TEX11: variants seen among roughly 807,000 people sequenced by gnomAD.
TEX11 encodes testis expressed 11, also known as testis-expressed protein 11.
In TEX11, 7 loss-of-function variants were observed where a neutral mutation model predicts 84.4. The ratio of observed to expected loss-of-function variants is 0.08; its 90% CI spans 0.05 to 0.16. TEX11 has a LOEUF of 0.16. TEX11 is among the 10% of genes least tolerant of loss of function. TEX11 has a pLI of 1.00. For missense variants in TEX11, 551 were observed against 660.5 expected, an observed-to-expected ratio of 0.83 and a Z score of 1.82; for synonymous variants, 264 against 222.8, an observed-to-expected ratio of 1.18 and a Z score of -1.64.
chrX:70,621,740 T>C (rs1427620012), intron 20 of TEX11, among the ~76,000 whole-genome samples: 1 of 104,999 alleles, frequency 9.5e-6, no homozygotes, highest in Non-Finnish European at 1.9e-5. Context: ...GTTTAACATA[T>C]AAAGACTGTG....
chrX:70,511,613 T>C, the TEX11 span, among the ~76,000 whole-genome samples: 1 of 104,361 alleles, frequency 9.6e-6, no homozygotes, highest in African/African-American at 3.6e-5. Flanking sequence ...ATTAGCCAGA[T>C]GTGGTGGCAA....
intron 7 of TEX11, among the ~76,000 whole-genome samples, chrX:70,842,623 G>T (rs1236070128): frequency 3.6e-5 from 4 of 111,434 alleles, no homozygotes; most frequent in African/African-American, 1.3e-4. Context: ...TGTTGGAAGT[G>T]CTGGCCAAGG....
chrX:70,511,772 A>G, the TEX11 span, among the ~76,000 whole-genome samples: 4 of 102,833 alleles, frequency 3.9e-5, 1 homozygote, highest in South Asian at 1.3e-3. Flanking sequence ...AAAAAAAAAA[A>G]AAAAGAAAAC....
At chrX:70,609,267 A>C in intron 21 of TEX11, 90 bp from the exon 22 acceptor site, 2 of 807,700 alleles carry the variant, frequency 2.5e-6, no homozygotes, top group Non-Finnish European at 3.4e-6. Context: ...GTCTCACAGG[A>C]GTTTGAATTT....
At chrX:70,820,109 A>C (rs1251111318) in intron 8 of TEX11, among the ~76,000 whole-genome samples, 1 of 112,337 alleles carries the variant, frequency 8.9e-6, no homozygotes, top group Non-Finnish European at 1.9e-5. Context: ...AAATAGCCAA[A>C]GAAATCTTGC....
At chrX:70,639,905 C>T (rs1323612173) in intron 17 of TEX11, among the ~76,000 whole-genome samples, 1 of 112,019 alleles carries the variant, frequency 8.9e-6, no homozygotes, top group African/African-American at 3.2e-5. Context: ...AGCAACAGAA[C>T]AAAGCTGGAC....
intron 15 of TEX11, among the ~76,000 whole-genome samples, chrX:70,678,514 ACT>A (rs1470577711): frequency 9.2e-6 from 1 of 108,983 alleles, no homozygotes; most frequent in Non-Finnish European, 1.9e-5. Flanking sequence ...AGGGAATAAA[ACT>A]CTTTCTCAGC....
intron 13 of TEX11, among the ~76,000 whole-genome samples, chrX:70,715,152 T>C (rs1297954760): frequency 5.4e-5 from 6 of 110,444 alleles, no homozygotes; most frequent in African/African-American, 6.8e-5. Context: ...GAGTTTCTGC[T>C]GAGAGATCAG....
At chrX:70,823,654 CAT>C (rs2091330185) in intron 8 of TEX11, among the ~76,000 whole-genome samples, 1 of 111,260 alleles carries the variant, frequency 9.0e-6, no homozygotes, top group South Asian at 3.8e-4. Flanking sequence ...CCAAAAAAGA[CAT>C]ACAAATCAGC....
At chrX:70,697,341 T>C (rs1345549207) in intron 13 of TEX11, among the ~76,000 whole-genome samples, 2 of 111,902 alleles carry the variant, frequency 1.8e-5, no homozygotes, top group African/African-American at 6.5e-5. Context: ...TTATTCTGCT[T>C]GTCACTGGCC....
intron 17 of TEX11, among the ~76,000 whole-genome samples, chrX:70,645,884 T>G (rs2089735536): frequency 9.0e-6 from 1 of 110,725 alleles, no homozygotes; most frequent in Non-Finnish European, 1.9e-5. Flanking sequence ...CCTATTAAAA[T>G]TCCAGTGACA....
chrX:70,830,724 C>T (rs1335537785), intron 8 of TEX11, among the ~76,000 whole-genome samples: 3 of 111,485 alleles, frequency 2.7e-5, no homozygotes, highest in Admixed American at 1.9e-4. Flanking sequence ...CTCAACATCA[C>T]TAACCATCAG....
chrX:70,898,902 G>A (rs1040775545), intron 2 of TEX11, among the ~76,000 whole-genome samples: 2 of 111,907 alleles, frequency 1.8e-5, no homozygotes, highest in Non-Finnish European at 3.8e-5. Context: ...ACGGCACCCG[G>A]CCATAAACTG....
chrX:70,848,734 G>A (rs2091492253), intron 7 of TEX11, among the ~76,000 whole-genome samples: 1 of 111,611 alleles, frequency 9.0e-6, no homozygotes, highest in African/African-American at 3.3e-5. Context: ...AGGAAAGATG[G>A]TGAACCAAAG....
chrX:70,704,115 GTCTCTCTC>G (rs112493809), intron 13 of TEX11, among the ~76,000 whole-genome samples: 1 of 103,636 alleles, frequency 9.6e-6, no homozygotes, highest in African/African-American at 3.5e-5. Flanking sequence ...CTCTGTCTCT[GTCTCTCTC>G]TCTCTCTCTC....
intron 20 of TEX11, among the ~76,000 whole-genome samples, chrX:70,612,844 A>G (rs1313664372): frequency 9.0e-6 from 1 of 111,622 alleles, no homozygotes; most frequent in Non-Finnish European, 1.9e-5. Flanking sequence ...AACATCAAAC[A>G]GGACAAATGA....
chrX:70,714,670 T>G (rs1340980689), intron 13 of TEX11, among the ~76,000 whole-genome samples: 2 of 111,697 alleles, frequency 1.8e-5, no homozygotes, highest in Non-Finnish European at 3.8e-5. Context: ...TCCCTTTATT[T>G]TGAGCCTATG....
At chrX:70,533,673 G>A (rs1184207774) in intron 28 of TEX11, among the ~76,000 whole-genome samples, 1 of 111,522 alleles carries the variant, frequency 9.0e-6, no homozygotes, top group Non-Finnish European at 1.9e-5. Context: ...GTGAGGGAAA[G>A]AGTGGCTCAA....
At chrX:70,621,347 C>T (rs1225600410) in intron 20 of TEX11, among the ~76,000 whole-genome samples, 6 of 102,243 alleles carry the variant, frequency 5.9e-5, no homozygotes, top group Non-Finnish European at 1.2e-4. Context: ...ATAGTGAAAC[C>T]CCGTCTCTAC....
Sources: allele counts gnomAD v4.1 joint callset (sites outside exome capture counted in the v4.1 genomes callset), GRCh38; gene constraint gnomAD v4.1.1; transcripts MANE v1.5; gene names NCBI Gene and HGNC (gene_info 2026-07-23, HGNC 2026-07-21).